The following CREB5 variants were observed in gnomAD, a reference collection of about 807,000 sequenced individuals.
CREB5 encodes cyclic AMP-responsive element-binding protein 5.
CREB5 carries 19 observed loss-of-function variants against 57.1 expected under a neutral mutation model. The observed-to-expected ratio is 0.33, with a 90% CI of 0.23 to 0.49. The LOEUF is 0.49. Among genes scored for constraint, CREB5 ranks in the 20% least tolerant of loss-of-function variants. The probability of loss-of-function intolerance (pLI) is 0.99; values close to 1 mark genes in which losing one functional copy is unlikely to be tolerated. For missense variants in CREB5, 579 were observed against 671.6 expected (o/e 0.86, Z 1.52); for synonymous variants, 238 against 238.3 (o/e 1.00, Z 0.01).
chr7:28,378,737 C>A (rs1786898305), intron 1 of CREB5, among the ~76,000 whole-genome samples: 1 of 152,158 alleles, frequency 6.6e-6, no homozygotes, highest in Non-Finnish European at 1.5e-5. Flanking sequence ...ATAGTGATTG[C>A]CCTTTGGATA....
chr7:28,322,088 G>C (rs1422632473), intron 1 of CREB5, among the ~76,000 whole-genome samples: 1 of 152,166 alleles, frequency 6.6e-6, no homozygotes, highest in Non-Finnish European at 1.5e-5. Flanking sequence ...GTCTACCCCA[G>C]AGATGTAGTA....
At chr7:28,391,347 G>A (rs1399385012) in intron 1 of CREB5, among the ~76,000 whole-genome samples, 2 of 152,130 alleles carry the variant, frequency 1.3e-5, no homozygotes, top group Non-Finnish European at 2.9e-5. Flanking sequence ...CAGATGTTTT[G>A]CCTTTTCCTC....
intron 1 of CREB5, among the ~76,000 whole-genome samples, chr7:28,465,127 A>T (rs949571052): frequency 1.3e-5 from 2 of 152,174 alleles, no homozygotes; most frequent in Non-Finnish European, 2.9e-5. Context: ...AATGGGAGGG[A>T]TATCAGGACT....
chr7:28,664,535 C>A (rs1276490702), intron 5 of CREB5, among the ~76,000 whole-genome samples: 2 of 152,110 alleles, frequency 1.3e-5, no homozygotes, highest in African/African-American at 2.4e-5. Flanking sequence ...TTCTCTTGTG[C>A]CTACCGTTTT....
At chr7:28,470,665 AGT>A (rs1790768189) in intron 1 of CREB5, among the ~76,000 whole-genome samples, 1 of 152,210 alleles carries the variant, frequency 6.6e-6, no homozygotes, top group Non-Finnish European at 1.5e-5. Context: ...GGTTGTCCAC[AGT>A]GATTGTACTA....
chr7:28,437,514 T>A (rs1481927632), intron 1 of CREB5, among the ~76,000 whole-genome samples: 1 of 152,154 alleles, frequency 6.6e-6, no homozygotes, highest in Non-Finnish European at 1.5e-5. Flanking sequence ...CTTCTACCAG[T>A]ATTAGATGCT....
rs565723771 is a variant in CREB5, at chr7:28,525,079, T to C, written c.291+17342T>C. Among the ~76,000 whole-genome samples, 6 of 151,444 alleles carry C rather than the reference T, an allele frequency of 4.0e-5. No individual in the cohort carries two copies. The East Asian group carries it at 9.8e-4, about 25-fold the overall frequency. On this transcript the variant is annotated intron_variant, in intron 4 of 10. Transcript: ENST00000357727. ...ATCACAAGTGAGTGAGAACACATGA[T>C]ATTTATCTCTCTGTGCCTGGCTTAT...
intron 5 of CREB5, among the ~76,000 whole-genome samples, chr7:28,609,999 C>T (rs1404230224): frequency 6.6e-6 from 1 of 152,240 alleles, no homozygotes; most frequent in East Asian, 1.9e-4. Flanking sequence ...GCATGGTTCT[C>T]AACCAAGAAT....
At chr7:28,701,647 G>A (rs1801866310) in intron 5 of CREB5, among the ~76,000 whole-genome samples, 1 of 152,116 alleles carries the variant, frequency 6.6e-6, no homozygotes, top group Non-Finnish European at 1.5e-5. Context: ...AAATTACCTA[G>A]TCAGAAGGAC....
intron 3 of CREB5, among the ~76,000 whole-genome samples, chr7:28,504,517 C>T (rs1438856859): frequency 6.6e-6 from 1 of 152,246 alleles, no homozygotes; most frequent in African/African-American, 2.4e-5. Context: ...AGGCCTTCCA[C>T]TCACTGTTCT....
At chr7:28,342,737 A>C (rs1209590058) in intron 1 of CREB5, among the ~76,000 whole-genome samples, 3 of 152,192 alleles carry the variant, frequency 2.0e-5, no homozygotes, top group Non-Finnish European at 2.9e-5. Context: ...AGGAGGAAAA[A>C]AACCATATCC....
intron 9 of CREB5, among the ~76,000 whole-genome samples, chr7:28,815,149 T>A (rs1776346717): frequency 2.6e-5 from 4 of 152,142 alleles, no homozygotes; most frequent in African/African-American, 9.7e-5. Context: ...GGCACATGTC[T>A]CTAGTCCCTG....
At position 28,654,453 on chromosome 7, in the gene CREB5, A is replaced by C. The variant is rs141758824; in HGVS notation, c.465-64300A>C. 4.1e-4 allele frequency among the ~76,000 whole-genome samples: 63 copies of C among 152,332 alleles called. 1 individual carries two copies. Among genetic ancestry groups the C allele is most frequent in the African/African-American group, 1.4e-3 (60 of 41,578 alleles). ...AATGATGTATTACATATTGTGGAGC[A>C]CTTATAAATATATTATGAAGCTCTA... On this transcript the variant is annotated intron_variant, in intron 5 of 10. Coordinates refer to ENST00000357727, the MANE Select transcript of CREB5 (RefSeq NM_182898.4).
chr7:28,560,837 T>TGTGTGTGTGC (rs1795094752), intron 4 of CREB5, among the ~76,000 whole-genome samples: 3 of 92,238 alleles, frequency 3.3e-5, no homozygotes, highest in Non-Finnish European at 2.3e-5. Flanking sequence ...CGCGCGCGTG[T>TGTGTGTGTGC]GTGTGTGCGC....
Position 28,576,763 on chromosome 7 carries a change from G to A in CREB5, c.464+6226G>A, listed in dbSNP as rs111363627. On this transcript the variant is annotated intron_variant, in intron 5 of 10. Transcript: ENST00000357727. ...ATTTCCTGAGGGGACAGTTGGCTTT[G>A]CCTGTGAGCTTTTCTTGGAGGAAGA... is the stretch of plus-strand genomic sequence containing the variant. Among the ~76,000 whole-genome samples the A allele has an allele frequency of 6.6e-3, 1,000 of 152,266 alleles. 11 individuals are homozygous for A. Among genetic ancestry groups the A allele is most frequent in the African/African-American group, 0.023 (963 of 41,526 alleles).
chr7:28,353,964 C>G (rs556813540), intron 1 of CREB5, among the ~76,000 whole-genome samples: 1 of 152,116 alleles, frequency 6.6e-6, no homozygotes, highest in African/African-American at 2.4e-5. Flanking sequence ...AGTAAGACAC[C>G]ATTAAAGACA....
intron 1 of CREB5, among the ~76,000 whole-genome samples, chr7:28,424,372 T>C (rs116506250): frequency 0.017 from 2,572 of 152,202 alleles, 65 homozygotes; most frequent in Middle Eastern, 0.065. Flanking sequence ...AACAAGCAGA[T>C]TGGGAGTGAT....
chr7:28,496,710 C>G (rs1227112614), intron 3 of CREB5, among the ~76,000 whole-genome samples: 1 of 152,182 alleles, frequency 6.6e-6, no homozygotes, highest in Non-Finnish European at 1.5e-5. Context: ...TGCCAATGTG[C>G]TCTGGCTTGG....
intron 7 of CREB5, among the ~76,000 whole-genome samples, chr7:28,750,189 GCCCAGCC>G (rs1186657289): frequency 6.6e-6 from 1 of 151,868 alleles, no homozygotes; most frequent in Non-Finnish European, 1.5e-5. Context: ...ATACCTATGA[GCCCAGCC>G]CCCAGCCCCC....
Sources: allele counts gnomAD v4.1 joint callset (sites outside exome capture counted in the v4.1 genomes callset), GRCh38; gene constraint gnomAD v4.1.1; transcripts MANE v1.5; gene names NCBI Gene and HGNC (gene_info 2026-07-23, HGNC 2026-07-21).